Variants in SLC14A2 observed in about 807,000 individuals in gnomAD.
SLC14A2 encodes solute carrier family 14 member 2.
SLC14A2 carries 91 observed loss-of-function variants against 104.6 expected under a neutral mutation model. The ratio of observed to expected loss-of-function variants is 0.87; its 90% confidence interval spans 0.73 to 1.04. SLC14A2 has a LOEUF of 1.04. Among genes scored for constraint, SLC14A2 ranks in the 50% least tolerant of loss-of-function variants. The pLI, the probability that SLC14A2 is intolerant of heterozygous loss-of-function variation, is 0.00. For synonymous variants in SLC14A2, 476 were observed against 466.4 expected (o/e 1.02, Z -0.27); for missense variants, 1,189 against 1,156.0 (o/e 1.03, Z -0.41).
chr18:45,616,103 C>T (rs954033151), intron 1 of SLC14A2, among the ~76,000 whole-genome samples: 2 of 152,112 alleles, frequency 1.3e-5, no homozygotes, highest in Non-Finnish European at 2.9e-5. Context: ...TGAAAATTGT[C>T]TTGGGCACAA....
intron 1 of SLC14A2, among the ~76,000 whole-genome samples, chr18:45,616,819 C>T (rs996347486): frequency 2.6e-5 from 4 of 152,062 alleles, no homozygotes; most frequent in Admixed American, 1.3e-4. Context: ...ACATAAGGAC[C>T]GGGTGCAGTG....
intron 1 of SLC14A2, among the ~76,000 whole-genome samples, chr18:45,427,391 A>T (rs1171967069): frequency 6.6e-6 from 1 of 152,158 alleles, no homozygotes; most frequent in African/African-American, 2.4e-5. Flanking sequence ...CCTGCCTGTC[A>T]CTAAGTACCA....
intron 5 of SLC14A2, among the ~76,000 whole-genome samples, chr18:45,633,663 T>A (rs913591610): frequency 1.3e-5 from 2 of 152,246 alleles, no homozygotes; most frequent in Admixed American, 1.3e-4. Context: ...AACAGTGTGA[T>A]TTATTCTTAT....
chr18:45,475,660 T>TATATTTAGG lies in SLC14A2; in HGVS notation c.-124-7569_-124-7568insTTAGGATAT, dbSNP rs1555693793. 6.3e-5 allele frequency among the ~76,000 whole-genome samples: 7 copies of TATATTTAGG among 111,372 alleles called. No homozygotes were observed. The East Asian group carries it at 8.4e-4, about 13-fold the overall frequency. The allele number at this position is 111,372 out of a possible 152,430, so 73.1% of individuals were successfully genotyped here. A position where few individuals can be genotyped will look rare whatever the true frequency, so the allele number is the denominator to read the frequency against. On this transcript the variant is annotated intron_variant, in intron 1 of 20. Transcript: ENST00000586448. ...TATTTAGGATATATATATATATATATATATATATATATATATATATATATA... is the reference window on the plus strand; with the variant it reads ...TATTTAGGATATATATATATATATATATATTTAGGATATATATATATATATATATATATA...
At chr18:45,576,682 G>A (rs2044423427) in intron 2 of SLC14A2, among the ~76,000 whole-genome samples, 1 of 152,144 alleles carries the variant, frequency 6.6e-6, no homozygotes, top group Non-Finnish European at 1.5e-5. Context: ...GTCTCTCCAT[G>A]TGGTCCTTCC....
chr18:45,451,871 G>A (rs946961405), intron 1 of SLC14A2, among the ~76,000 whole-genome samples: 8 of 152,090 alleles, frequency 5.3e-5, no homozygotes, highest in Non-Finnish European at 7.3e-5. Flanking sequence ...TTATGGGTTC[G>A]GTTAATGATT....
chr18:45,242,192 G>T (rs923159715), intron 1 of SLC14A2, among the ~76,000 whole-genome samples: 2 of 152,110 alleles, frequency 1.3e-5, no homozygotes, highest in African/African-American at 4.8e-5. Context: ...GGCCCAGTTT[G>T]CTCTACTCCG....
intron 2 of SLC14A2, among the ~76,000 whole-genome samples, chr18:45,609,022 GT>G: frequency 6.6e-6 from 1 of 152,292 alleles, no homozygotes. Context: ...AGGGAAGATT[GT>G]TGCTTCATCC....
At chr18:45,295,896 T>C (rs1187090321) in intron 1 of SLC14A2, among the ~76,000 whole-genome samples, 7 of 152,176 alleles carry the variant, frequency 4.6e-5, no homozygotes, top group Non-Finnish European at 1.0e-4. Context: ...AAAATGGGAA[T>C]GATAACTAAT....
the SLC14A2 span, among the ~76,000 whole-genome samples, chr18:45,178,307 A>G: frequency 6.6e-6 from 1 of 152,226 alleles, no homozygotes; most frequent in South Asian, 2.1e-4. Flanking sequence ...TTCAGTCTAC[A>G]TAAAAGAGTG....
chr18:45,303,438 T>G (rs556957388), intron 1 of SLC14A2, among the ~76,000 whole-genome samples: 46 of 152,328 alleles, frequency 3.0e-4, no homozygotes, highest in African/African-American at 1.1e-3. Flanking sequence ...TACAGAGTCC[T>G]CAGGCCATAT....
At position 45,501,216 on chromosome 18, in the gene SLC14A2, T is replaced by C. The variant is rs199903259; in HGVS notation, c.-35+17894T>C. Among the ~76,000 whole-genome samples, 3 of 152,258 alleles carry C rather than the reference T, an allele frequency of 2.0e-5. No homozygotes were observed. The East Asian group carries it at 5.8e-4, about 29-fold the overall frequency. Reference sequence around the variant, plus strand: ...CCTCCAAATGCCAGACTATTTTGACTCTGGCAAACTGGCTCGCCAAAGGTG... The same window carrying C: ...CCTCCAAATGCCAGACTATTTTGACCCTGGCAAACTGGCTCGCCAAAGGTG... On this transcript the variant is annotated intron_variant, in intron 2 of 20. Coordinates refer to the SLC14A2 transcript ENST00000586448.
At chr18:45,261,294 G>C (rs2084534390) in intron 1 of SLC14A2, among the ~76,000 whole-genome samples, 1 of 151,724 alleles carries the variant, frequency 6.6e-6, no homozygotes, top group Admixed American at 6.6e-5. Context: ...ATAGTTTGCT[G>C]AGAATGATGG....
At chr18:45,391,044 A>G (rs928859861) in intron 1 of SLC14A2, among the ~76,000 whole-genome samples, 7 of 152,010 alleles carry the variant, frequency 4.6e-5, no homozygotes, top group African/African-American at 1.7e-4. Flanking sequence ...TCGTCATTTA[A>G]CATTAGGTAT....
intron 2 of SLC14A2, among the ~76,000 whole-genome samples, chr18:45,541,870 T>G (rs1274712520): frequency 2.0e-5 from 3 of 152,134 alleles, no homozygotes; most frequent in African/African-American, 7.2e-5. Context: ...GTTTACTGTG[T>G]GTTCCCAATG....
chr18:45,493,084 A>C (rs1292413640), intron 2 of SLC14A2: 1 of 152,262 alleles, frequency 6.6e-6, no homozygotes, highest in Non-Finnish European at 1.5e-5. Flanking sequence ...CCCAGATTTT[A>C]ACTTTCCAAC....
the SLC14A2 span, among the ~76,000 whole-genome samples, chr18:45,172,713 C>G: frequency 6.6e-6 from 1 of 152,100 alleles, no homozygotes; most frequent in Admixed American, 6.6e-5. Flanking sequence ...GTCTGATGAA[C>G]AAAGCTTACG....
chr18:45,311,080 T>G (rs2085073850), intron 1 of SLC14A2, among the ~76,000 whole-genome samples: 2 of 152,182 alleles, frequency 1.3e-5, no homozygotes, highest in Non-Finnish European at 2.9e-5. Flanking sequence ...GCTTCGGGCT[T>G]GGTATCCAGT....
chr18:45,657,291 G>A (rs922913442), intron 10 of SLC14A2, among the ~76,000 whole-genome samples: 12 of 151,702 alleles, frequency 7.9e-5, no homozygotes, highest in African/African-American at 1.5e-4. Context: ...AGCTAACACC[G>A]TGAAACCCCA....
Sources: gnomAD v4.1 joint callset for allele counts (sites outside exome capture counted in the v4.1 genomes callset) on GRCh38, gnomAD v4.1.1 for gene constraint, MANE v1.5 for transcripts, NCBI Gene and HGNC (gene_info 2026-07-23, HGNC 2026-07-21) for gene names.